Variants in GNAS-AS1 observed in about 807,000 individuals in gnomAD.
GNAS-AS1 encodes the protein GNAS antisense RNA 1, also known as GNAS antisense RNA 1 (non-protein coding).
rs1449135586 is a variant in GNAS-AS1 at position 58,840,591 on chromosome 20, G to A, written n.819+1346C>T. The A allele has an allele frequency of 1.2e-6, 2 of 1,610,902 alleles. No individual in the cohort carries two copies. Among genetic ancestry groups the A allele is most frequent in the Admixed American group, 1.7e-5 (1 of 59,968 alleles). ...ACCTTCGGCCAGTCCCTCACCCAGC[G>A]TCTGCACGCTCTCAAGTTGCGAAGC... On this transcript the variant is annotated intron_variant and non_coding_transcript_variant, in intron 4 of 4. Coordinates refer to ENST00000424094, the Ensembl canonical transcript of GNAS-AS1. The surrounding 1 kb of genome is among the most constrained non-coding windows in gnomAD (Gnocchi z 6.0).
chr20:58,829,175 C>T (rs1028343680), intron 4 of GNAS-AS1, among the ~76,000 whole-genome samples: 2 of 152,224 alleles, frequency 1.3e-5, no homozygotes, highest in Non-Finnish European at 2.9e-5. Flanking sequence ...CTAGTTCTAC[C>T]TGGGTGTCAT....
At chr20:58,830,584 ACCACAATCAC>A in intron 4 of GNAS-AS1, among the ~76,000 whole-genome samples, 2 of 100,626 alleles carry the variant, frequency 2.0e-5, no homozygotes, top group African/African-American at 4.0e-5. Context: ...CACCACCACC[ACCACAATCAC>A]CACCACCACC....
chr20:58,830,280 A>ACACCACCATCACCACAATCACCAC (rs2085548412), intron 4 of GNAS-AS1, among the ~76,000 whole-genome samples: 4 of 135,140 alleles, frequency 3.0e-5, no homozygotes, highest in Non-Finnish European at 6.4e-5. Flanking sequence ...CACCACCGCC[A>ACACCACCATCACCACAATCACCAC]CACCACCATC....
chr20:58,822,359 G>A (rs2085492356), intron 4 of GNAS-AS1, among the ~76,000 whole-genome samples: 1 of 152,200 alleles, frequency 6.6e-6, no homozygotes, highest in African/African-American at 2.4e-5. Flanking sequence ...ACAAGTGGTG[G>A]CAGGCACAGG....
intron 4 of GNAS-AS1, among the ~76,000 whole-genome samples, chr20:58,832,996 C>T (rs2085577353): frequency 6.6e-6 from 1 of 152,230 alleles, no homozygotes; most frequent in Non-Finnish European, 1.5e-5. Context: ...CAACTCCTGT[C>T]CCAGAGGCTC....
intron 2 of GNAS-AS1, among the ~76,000 whole-genome samples, chr20:58,846,335 C>T (rs2085939154): frequency 6.6e-6 from 1 of 152,086 alleles, no homozygotes; most frequent in South Asian, 2.1e-4. Context: ...GACTTCAGCT[C>T]AACATTAGGA....
intron 4 of GNAS-AS1, among the ~76,000 whole-genome samples, chr20:58,825,148 G>T (rs1468236963): frequency 6.6e-6 from 1 of 152,270 alleles, no homozygotes; most frequent in Non-Finnish European, 1.5e-5. Flanking sequence ...AATGTCATGG[G>T]AAGAAAATGT....
At chr20:58,830,350 CCACCATCACCACCACCACAA>C (rs1568900159) in intron 4 of GNAS-AS1, among the ~76,000 whole-genome samples, 1 of 139,586 alleles carries the variant, frequency 7.2e-6, no homozygotes, top group Non-Finnish European at 1.6e-5. Context: ...CACCACCACA[CCACCATCACCACCACCACAA>C]CACCATCACC....
chr20:58,833,335 TATG>T (rs1331084500), intron 4 of GNAS-AS1, among the ~76,000 whole-genome samples: 1 of 152,334 alleles, frequency 6.6e-6, no homozygotes, highest in East Asian at 1.9e-4. Flanking sequence ...ACTCCCAATT[TATG>T]ATGACTTTTA....
chr20:58,840,505 C>A lies in GNAS-AS1; in HGVS notation n.819+1432G>T. On this transcript the variant is annotated intron_variant and non_coding_transcript_variant, in intron 4 of 4. Transcript: ENST00000424094. This position sits in a 1 kb window ranked among gnomAD's most constrained non-coding sequence, Gnocchi z 6.0. The stretch of plus-strand genomic sequence containing the variant: ...TCGAGACCGAGCCTGAGACCGCCCC[C>A]ACCACTGAGCCCGAGACCGAGCCTG... The A allele has an allele frequency of 6.2e-7, 1 of 1,613,340 alleles. No individual in the cohort carries two copies.
intron 4 of GNAS-AS1, among the ~76,000 whole-genome samples, chr20:58,838,412 A>T (rs1162442235): frequency 6.6e-6 from 1 of 152,124 alleles, no homozygotes; most frequent in African/African-American, 2.4e-5. Context: ...TCATTTTCTC[A>T]TGTGGAATTC....
chr20:58,835,784 T>C (rs1230002295), intron 4 of GNAS-AS1, among the ~76,000 whole-genome samples: 1 of 152,256 alleles, frequency 6.6e-6, no homozygotes, highest in African/African-American at 2.4e-5. Context: ...AATTTATGAT[T>C]GCTAAATAGC....
chr20:58,819,135 C>T, exon 5 of GNAS-AS1: 1 of 398,624 alleles, frequency 2.5e-6, no homozygotes, highest in Non-Finnish European at 4.4e-6. Context: ...AGGTTAACTC[C>T]CATCTAGAAG....
chr20:58,846,219 A>C (rs1450202212), intron 2 of GNAS-AS1, among the ~76,000 whole-genome samples: 1 of 152,214 alleles, frequency 6.6e-6, no homozygotes, highest in Non-Finnish European at 1.5e-5. Flanking sequence ...GCGGTTATAA[A>C]GAAAGTCGTT....
chr20:58,848,497 A>C (rs1195905573), intron 2 of GNAS-AS1, among the ~76,000 whole-genome samples: 1 of 152,220 alleles, frequency 6.6e-6, no homozygotes, highest in Non-Finnish European at 1.5e-5. Context: ...CCAGCACTGG[A>C]AAGCTATGTT....
chr20:58,830,603 CCAT>C (rs1440665611), intron 4 of GNAS-AS1, among the ~76,000 whole-genome samples: 2 of 135,368 alleles, frequency 1.5e-5, no homozygotes, highest in East Asian at 4.3e-4. Context: ...ACCACCACCA[CCAT>C]CACCACCACA....
intron 4 of GNAS-AS1, among the ~76,000 whole-genome samples, chr20:58,830,600 C>CCACCATCACCACCAT (rs2085561399): frequency 7.1e-6 from 1 of 140,754 alleles, no homozygotes; most frequent in Non-Finnish European, 1.5e-5. Context: ...ATCACCACCA[C>CCACCATCACCACCAT]CACCATCACC....
chr20:58,832,956 G>A (rs1284748697), intron 4 of GNAS-AS1, among the ~76,000 whole-genome samples: 1 of 152,240 alleles, frequency 6.6e-6, no homozygotes, highest in Non-Finnish European at 1.5e-5. Flanking sequence ...CTAATTGTGA[G>A]TGTGAGTGTG....
intron 4 of GNAS-AS1, among the ~76,000 whole-genome samples, chr20:58,835,641 A>G (rs1189184050): frequency 6.6e-6 from 1 of 152,218 alleles, no homozygotes; most frequent in Non-Finnish European, 1.5e-5. Flanking sequence ...TACACCTGTC[A>G]GCAATCTGGT....
Sources: gnomAD v4.1 joint callset for allele counts (sites outside exome capture counted in the v4.1 genomes callset) on GRCh38, gnomAD v4.1.1 for gene constraint, Gnocchi (gnomAD v3.1) non-coding constraint, MANE v1.5 for transcripts, NCBI Gene and HGNC (gene_info 2026-07-23, HGNC 2026-07-21) for gene names.